The following GRXCR1 variants were observed in gnomAD, a reference collection of about 807,000 sequenced individuals.
GRXCR1 encodes glutaredoxin domain-containing cysteine-rich protein 1.
GRXCR1 carries 27 observed loss-of-function variants against 27.3 expected under a neutral mutation model. That is an observed-to-expected ratio of 0.99 (90% confidence interval 0.73 to 1.37). GRXCR1 has a LOEUF of 1.37. GRXCR1 is among the 40% of genes most tolerant of loss of function. The pLI, the probability that GRXCR1 is intolerant of heterozygous loss-of-function variation, is 0.00. For synonymous variants in GRXCR1, 122 were observed against 131.1 expected, an observed-to-expected ratio of 0.93 and a Z score of 0.47; for missense variants, 379 against 354.4, an observed-to-expected ratio of 1.07 and a Z score of -0.56.
At chr4:42,911,265 C>T (rs949888058) in intron 1 of GRXCR1, among the ~76,000 whole-genome samples, 9 of 152,020 alleles carry the variant, frequency 5.9e-5, no homozygotes, top group Non-Finnish European at 1.5e-5. Context: ...GCAATTGAAG[C>T]ATGAATATAT....
At chr4:42,991,473 C>CATATATATAT (rs71648752) in intron 2 of GRXCR1, among the ~76,000 whole-genome samples, 2 of 147,754 alleles carry the variant, frequency 1.4e-5, no homozygotes, top group South Asian at 2.1e-4. Context: ...CACACACATA[C>CATATATATAT]ATATATATAT....
rs576094907 is a variant in GRXCR1 at position 42,963,773 on chromosome 4, A to G, written c.627+639A>G. Among the ~76,000 whole-genome samples, 3 of 152,124 alleles carry G rather than the reference A, an allele frequency of 2.0e-5. No homozygotes were observed. In the East Asian group the frequency reaches 5.8e-4, roughly 29 times the overall value. On this transcript the variant is annotated intron_variant, in intron 2 of 3. Transcript: ENST00000399770. ...TGATCTGTGAACATCCTGTGGAAGA[A>G]GCCCACAGACAGGGCTCCAGAGAGT...
intron 1 of GRXCR1, among the ~76,000 whole-genome samples, chr4:42,929,400 T>G (rs913491437): frequency 1.3e-5 from 2 of 151,980 alleles, no homozygotes; most frequent in African/African-American, 4.8e-5. Flanking sequence ...CATTAGGGCC[T>G]TTATTAACAA....
chr4:42,944,456 C>T (rs1405568832), intron 1 of GRXCR1, among the ~76,000 whole-genome samples: 1 of 151,988 alleles, frequency 6.6e-6, no homozygotes, highest in Non-Finnish European at 1.5e-5. Context: ...AGAGACCGTG[C>T]CTTGGGGAAT....
intron 2 of GRXCR1, among the ~76,000 whole-genome samples, chr4:42,996,575 C>T (rs1265298952): frequency 6.6e-6 from 1 of 151,826 alleles, no homozygotes; most frequent in Admixed American, 6.6e-5. Context: ...TTATGTAATT[C>T]TAGTAAAACA....
intron 2 of GRXCR1, among the ~76,000 whole-genome samples, chr4:42,979,727 G>A (rs754680993): frequency 2.0e-4 from 30 of 151,974 alleles, no homozygotes; most frequent in Non-Finnish European, 4.1e-4. Flanking sequence ...TTTTTGGTGT[G>A]TGGGGCAGGT....
intron 1 of GRXCR1, among the ~76,000 whole-genome samples, chr4:42,895,127 T>C (rs187623538): frequency 2.0e-5 from 3 of 152,226 alleles, no homozygotes; most frequent in African/African-American, 7.2e-5. Context: ...CTTCTCCCTA[T>C]GTGTTTACTC....
intron 1 of GRXCR1, among the ~76,000 whole-genome samples, chr4:42,900,979 T>C (rs1301401972): frequency 6.6e-6 from 1 of 152,166 alleles, no homozygotes; most frequent in Non-Finnish European, 1.5e-5. Flanking sequence ...CTTTGACAGC[T>C]GTCAAATGCA....
chr4:42,935,913 C>T (rs74708851), intron 1 of GRXCR1, among the ~76,000 whole-genome samples: 5,041 of 151,868 alleles, frequency 0.033, 134 homozygotes, highest in Middle Eastern at 0.058. Context: ...GTCTTTTACA[C>T]TAAATAACAC....
At chr4:43,022,174 A>C (rs186561362) in intron 3 of GRXCR1, among the ~76,000 whole-genome samples, 3 of 152,344 alleles carry the variant, frequency 2.0e-5, no homozygotes, top group Admixed American at 2.0e-4. Context: ...CTTTAAACTA[A>C]TTTAAATTGT....
chr4:43,020,790 T>G (rs1291947252), intron 3 of GRXCR1, among the ~76,000 whole-genome samples: 3 of 152,214 alleles, frequency 2.0e-5, no homozygotes, highest in Non-Finnish European at 4.4e-5. Context: ...AAGAGCTTAC[T>G]ACATCATTTA....
intron 1 of GRXCR1, among the ~76,000 whole-genome samples, chr4:42,911,426 C>T (rs1746720340): frequency 6.6e-6 from 1 of 151,990 alleles, no homozygotes; most frequent in Non-Finnish European, 1.5e-5. Context: ...ATAAGACACA[C>T]ATGTATCAAA....
intron 2 of GRXCR1, among the ~76,000 whole-genome samples, chr4:43,012,335 T>C (rs1712777184): frequency 1.3e-5 from 2 of 152,232 alleles, no homozygotes; most frequent in Admixed American, 1.3e-4. Context: ...AATTAGGTCT[T>C]TCTTCTCAAT....
At chr4:42,975,911 A>G (rs1748508566) in intron 2 of GRXCR1, among the ~76,000 whole-genome samples, 1 of 152,172 alleles carries the variant, frequency 6.6e-6, no homozygotes, top group African/African-American at 2.4e-5. Context: ...TTAGTCAATT[A>G]AAGAGAAAGA....
intron 3 of GRXCR1, among the ~76,000 whole-genome samples, chr4:43,021,449 A>G (rs1010376328): frequency 2.0e-5 from 3 of 152,174 alleles, no homozygotes; most frequent in Non-Finnish European, 4.4e-5. Flanking sequence ...TCCCAAATGA[A>G]CTAGATGCTC....
chr4:42,901,666 T>C (rs552854213), intron 1 of GRXCR1, among the ~76,000 whole-genome samples: 6 of 152,324 alleles, frequency 3.9e-5, no homozygotes, highest in East Asian at 1.9e-4. Context: ...AGGACATGGG[T>C]AGCTATTATT....
At chr4:42,994,517 T>G (rs2109792729) in intron 2 of GRXCR1, among the ~76,000 whole-genome samples, 1 of 152,282 alleles carries the variant, frequency 6.6e-6, no homozygotes, top group Non-Finnish European at 1.5e-5. Flanking sequence ...GAGTGTGTGC[T>G]GTTATTCAAA....
intron 1 of GRXCR1, among the ~76,000 whole-genome samples, chr4:42,936,432 G>C (rs977510840): frequency 6.6e-6 from 1 of 151,748 alleles, no homozygotes; most frequent in Non-Finnish European, 1.5e-5. Context: ...GCCTTTTAAA[G>C]AATTTTTTAT....
chr4:43,020,254 T>C (rs1213611552), intron 2 of GRXCR1, 100 bp from the exon 3 acceptor site: 1 of 778,200 alleles, frequency 1.3e-6, no homozygotes, highest in South Asian at 1.4e-5. Context: ...AGGGAAGAAC[T>C]GTGCTCAGTA....
Sources: gnomAD v4.1 joint callset for allele counts (sites outside exome capture counted in the v4.1 genomes callset) on GRCh38, gnomAD v4.1.1 for gene constraint, MANE v1.5 for transcripts, NCBI Gene and HGNC (gene_info 2026-07-23, HGNC 2026-07-21) for gene names.